The following EEF2K variants were observed in gnomAD, a reference collection of about 807,000 sequenced individuals.
EEF2K encodes the protein eukaryotic elongation factor 2 kinase.
Under a neutral mutation model 93.8 loss-of-function variants are expected in EEF2K, and 70 were observed. The observed-to-expected ratio is 0.75, with a 90% CI of 0.62 to 0.91. EEF2K has a LOEUF of 0.91. Ranked by LOEUF, EEF2K falls within the 40% of genes least tolerant of loss-of-function variation. The pLI is 0.00. For missense variants in EEF2K, 935 were observed against 972.9 expected, an observed-to-expected ratio of 0.96 and a Z score of 0.52; for synonymous variants, 376 against 380.8, an observed-to-expected ratio of 0.99 and a Z score of 0.15.
Position 22,263,204 on chromosome 16 carries a change from A to G in EEF2K, c.1377+17A>G. The G allele has an allele frequency of 6.2e-7, 1 of 1,606,286 alleles. No individual in the cohort carries two copies. Among genetic ancestry groups the G allele is most frequent in the Non-Finnish European group, 8.5e-7 (1 of 1,176,592 alleles). ...CGAGAACATGTAAGGAACCCCCAGG[A>G]AATGAGACCGGTGTCACCTGTTGCC... On this transcript the variant is annotated intron_variant, in intron 12 of 17. Coordinates refer to ENST00000263026, the MANE Select transcript of EEF2K (RefSeq NM_013302.5).
intron 2 of EEF2K, among the ~76,000 whole-genome samples, chr16:22,234,641 A>G (rs2047148702): frequency 1.3e-5 from 2 of 152,064 alleles, no homozygotes; most frequent in Non-Finnish European, 2.9e-5. Context: ...GAGTATATTC[A>G]TAAAATTATG....
intron 1 of EEF2K, among the ~76,000 whole-genome samples, chr16:22,211,769 C>T (rs2046916856): frequency 6.6e-6 from 1 of 152,032 alleles, no homozygotes; most frequent in East Asian, 1.9e-4. Flanking sequence ...AGCCACAACC[C>T]AAAAGTCCTT....
intron 2 of EEF2K, among the ~76,000 whole-genome samples, chr16:22,238,667 GAAA>G (rs10708756): frequency 1.1e-5 from 1 of 93,470 alleles, no homozygotes; most frequent in Non-Finnish European, 2.2e-5. Context: ...AAGAAAAAAG[GAAA>G]AAAAAAAAAA....
At position 22,284,054 on chromosome 16, in the gene EEF2K, A is replaced by C. The variant is rs180920116; in HGVS notation, c.*58A>C. ...AACGGGCTAGGAGGAAAGATTAAAA[A>C]AACAACAACAACAACTTATTTAGTT... is the stretch of plus-strand genomic sequence containing the variant. On this transcript the variant is annotated 3_prime_UTR_variant, in exon 18 of 18. Coordinates refer to ENST00000263026, the MANE Select transcript of EEF2K (RefSeq NM_013302.5). The C allele has an allele frequency of 6.3e-4, 875 of 1,396,760 alleles. 7 individuals carry two copies. The highest frequency in any genetic ancestry group is 3.7e-3 in the South Asian group (288 of 78,478). 86.5% of individuals were successfully genotyped at this position (1,396,760 alleles called of 1,614,324 possible).
intron 17 of EEF2K, 83 bp downstream of exon 17, chr16:22,280,459 A>G (rs2047682475): frequency 1.5e-6 from 2 of 1,293,836 alleles, no homozygotes; most frequent in Non-Finnish European, 2.0e-6. Flanking sequence ...GGAGTTATTT[A>G]TGACAAGATG....
rs1341408180 is a variant in EEF2K at position 22,206,309 on chromosome 16, C to T, written c.-447C>T. 2 of 152,614 alleles carry T rather than the reference C, an allele frequency of 1.3e-5. No individual in the cohort carries two copies. Among genetic ancestry groups the T allele is most frequent in the Non-Finnish European group, 2.9e-5 (2 of 68,428 alleles). The allele number at this position is 152,614 out of a possible 1,614,324, so 9.5% of individuals were successfully genotyped here. A position where few individuals can be genotyped will look rare whatever the true frequency, so the allele number is the denominator to read the frequency against. ...CCTAGACCAGCCCCAGCTTCAGCCT[C>T]AGCTCCCCTCCTTCCTGGATCGAGC... is the stretch of plus-strand genomic sequence containing the variant. On this transcript the variant is annotated 5_prime_UTR_variant, in exon 1 of 18. Transcript: ENST00000263026.
intron 1 of EEF2K, among the ~76,000 whole-genome samples, chr16:22,213,123 T>C (rs2046930427): frequency 6.6e-6 from 1 of 151,244 alleles, no homozygotes; most frequent in South Asian, 2.1e-4. Context: ...CTACTAAAAA[T>C]ACAAAAATGA....
chr16:22,258,533 T>A lies in EEF2K; in HGVS notation c.1069T>A (p.Cys357Ser), dbSNP rs201198682. The A allele has an allele frequency of 6.2e-7, 1 of 1,613,908 alleles. No individual in the cohort carries two copies. Among genetic ancestry groups the A allele is most frequent in the Non-Finnish European group, 8.5e-7 (1 of 1,179,994 alleles). ...CATCTTGAGAGGAACAGAGGAAAAA[T>A]GTGGGAGCCCCCAAGTAAGGACCCT... is the stretch of plus-strand genomic sequence containing the variant. ...KTILRGTEEKCGSPQVRTLSG... is the reference protein window; with the variant it reads ...KTILRGTEEKSGSPQVRTLSG... The change falls in exon 10 of 18, where the codon TGT becomes AGT. Residue 357 changes from cysteine to serine, a missense_variant. Coordinates refer to ENST00000263026, the MANE Select transcript of EEF2K (RefSeq NM_013302.5).
intron 10 of EEF2K, among the ~76,000 whole-genome samples, chr16:22,259,886 G>C (rs1310463551): frequency 6.6e-6 from 1 of 152,040 alleles, no homozygotes; most frequent in Non-Finnish European, 1.5e-5. Flanking sequence ...CCAAGTAGCT[G>C]GGATTACAGG....
Position 22,286,480 on chromosome 16 carries a change from A to C in EEF2K, c.*2484A>C, listed in dbSNP as rs1396279283. The C allele has an allele frequency of 6.6e-6, 1 of 152,196 alleles. No homozygotes were observed. The highest frequency in any genetic ancestry group is 1.9e-4 in the East Asian group (1 of 5,202). The allele number at this position is 152,196 out of a possible 1,614,324, so 9.4% of individuals were successfully genotyped here. A position where few individuals can be genotyped will look rare whatever the true frequency, so the allele number is the denominator to read the frequency against. On this transcript the variant is annotated 3_prime_UTR_variant, in exon 18 of 18. Coordinates refer to ENST00000263026, the MANE Select transcript of EEF2K (RefSeq NM_013302.5). ...AGCAGGAATTGGCAAACTTTTTTGTAAAGGGGTAGAAAGTGAAGATTTTAG... is the reference window on the plus strand; with the variant it reads ...AGCAGGAATTGGCAAACTTTTTTGTCAAGGGGTAGAAAGTGAAGATTTTAG...
intron 17 of EEF2K, among the ~76,000 whole-genome samples, chr16:22,281,361 T>C (rs1460671118): frequency 6.6e-6 from 1 of 152,112 alleles, no homozygotes; most frequent in African/African-American, 2.4e-5. Context: ...TGCCTCAGCC[T>C]CCCAAGCAGC....
At chr16:22,276,176 C>T (rs1388673759) in intron 16 of EEF2K, among the ~76,000 whole-genome samples, 1 of 151,806 alleles carries the variant, frequency 6.6e-6, no homozygotes, top group Non-Finnish European at 1.5e-5. Flanking sequence ...AAACTCCTGG[C>T]CTCAAGCAAT....
At chr16:22,225,594 C>A in intron 1 of EEF2K, 60 bp from the exon 2 acceptor site, 1 of 1,348,160 alleles carries the variant, frequency 7.4e-7, no homozygotes, top group Non-Finnish European at 1.0e-6. Flanking sequence ...GGGTGAGGGT[C>A]GGGCGAATTC....
In EEF2K at chr16:22,244,687, TTCC is replaced by T; in HGVS notation, c.305_307del (p.Phe102_His103delinsTyr). 1 of 1,613,980 alleles carries T rather than the reference TTCC, an allele frequency of 6.2e-7. No homozygotes were observed. Among genetic ancestry groups the T allele is most frequent in the South Asian group, 1.1e-5 (1 of 91,076 alleles). On this transcript the variant is annotated inframe_deletion, in exon 3 of 18. Coordinates refer to ENST00000263026, the MANE Select transcript of EEF2K (RefSeq NM_013302.5). ...GCACATGCCCGACCCCTGGGCTGAG[TTCC>T]ACCTGGAAGATATTGCCACCGAACG...
chr16:22,256,308 G>A (rs547307882), intron 6 of EEF2K, among the ~76,000 whole-genome samples: 10 of 152,066 alleles, frequency 6.6e-5, no homozygotes, highest in Middle Eastern at 6.8e-3. Flanking sequence ...TGTTGGCCAC[G>A]GTTGGTCTCC....
In EEF2K at chr16:22,225,691, T is replaced by G; in HGVS notation, c.-39T>G. On this transcript the variant is annotated 5_prime_UTR_variant, in exon 2 of 18. Coordinates refer to ENST00000263026, the MANE Select transcript of EEF2K (RefSeq NM_013302.5). ...TGCATTTGTCCAGTAACTCTGGCTG[T>G]GCCGGATACTGCTTGGGTAAAACGG... 6.2e-7 allele frequency: 1 copy of G among 1,604,642 alleles called. No individual in the cohort carries two copies. The highest frequency in any genetic ancestry group is 1.1e-5 in the South Asian group (1 of 89,776).
intron 15 of EEF2K, among the ~76,000 whole-genome samples, chr16:22,268,523 G>C (rs1210659536): frequency 1.3e-5 from 2 of 152,242 alleles, no homozygotes; most frequent in Middle Eastern, 3.4e-3. Context: ...TTGGAGTGCA[G>C]TGGCATGACT....
At chr16:22,255,814 G>A (rs770731523) in intron 6 of EEF2K, among the ~76,000 whole-genome samples, 3 of 152,102 alleles carry the variant, frequency 2.0e-5, no homozygotes, top group Non-Finnish European at 4.4e-5. Flanking sequence ...GGAGGCTGAG[G>A]TGGGAGGATC....
At chr16:22,246,340 G>A (rs1345219142) in intron 3 of EEF2K, among the ~76,000 whole-genome samples, 1 of 151,712 alleles carries the variant, frequency 6.6e-6, no homozygotes, top group Non-Finnish European at 1.5e-5. Context: ...TGACCAACAT[G>A]GTGAAACCCC....
Sources: allele counts gnomAD v4.1 joint callset (sites outside exome capture counted in the v4.1 genomes callset), GRCh38; gene constraint gnomAD v4.1.1; transcripts MANE v1.5; gene names NCBI Gene and HGNC (gene_info 2026-07-23, HGNC 2026-07-21).